DCC: variants seen among roughly 807,000 people sequenced by gnomAD.
The protein encoded by DCC is DCC netrin 1 receptor.
DCC carries 58 observed loss-of-function variants against 172.5 expected under a neutral mutation model. The ratio of observed to expected loss-of-function variants is 0.34; its 90% CI spans 0.27 to 0.42. DCC has a LOEUF of 0.42. DCC is among the 10% of genes least tolerant of loss of function. The pLI, the probability that DCC is intolerant of heterozygous loss-of-function variation, is 1.00. For synonymous variants in DCC, 709 were observed against 644.5 expected (o/e 1.10, Z -1.52); for missense variants, 1,740 against 1,791.0 (o/e 0.97, Z 0.51).
At chr18:52,368,544 G>A (rs1271564617) in intron 1 of DCC, among the ~76,000 whole-genome samples, 3 of 152,086 alleles carry the variant, frequency 2.0e-5, no homozygotes, top group Non-Finnish European at 2.9e-5. Flanking sequence ...CTCACACAGC[G>A]GGTACTGAGA....
chr18:53,485,505 A>G (rs1347891191), intron 25 of DCC, among the ~76,000 whole-genome samples: 10 of 152,222 alleles, frequency 6.6e-5, no homozygotes, highest in Non-Finnish European at 1.2e-4. Flanking sequence ...GGAAATACTA[A>G]TCATTTAATC....
intron 26 of DCC, among the ~76,000 whole-genome samples, chr18:53,498,095 A>C (rs928443654): frequency 6.6e-6 from 1 of 152,218 alleles, no homozygotes; most frequent in Non-Finnish European, 1.5e-5. Context: ...CTGAATATAG[A>C]AGAATGAGTA....
intron 5 of DCC, chr18:52,941,193 T>G (rs1186346890): frequency 6.6e-6 from 1 of 152,138 alleles, no homozygotes; most frequent in Non-Finnish European, 1.5e-5. Flanking sequence ...AAAAAAAGTT[T>G]AAGTCTTTTT....
At chr18:53,523,811 G>A (rs1211264583) in intron 27 of DCC, among the ~76,000 whole-genome samples, 1 of 152,012 alleles carries the variant, frequency 6.6e-6, no homozygotes, top group African/African-American at 2.4e-5. Flanking sequence ...TAGATGACAG[G>A]TTGATGGGTG....
At chr18:52,938,205 T>G (rs1168320367) in intron 5 of DCC, among the ~76,000 whole-genome samples, 1 of 152,006 alleles carries the variant, frequency 6.6e-6, no homozygotes, top group Non-Finnish European at 1.5e-5. Flanking sequence ...AAACTCAAGG[T>G]GGAGGAAAAA....
At chr18:53,217,985 C>T (rs1160174839) in intron 12 of DCC, among the ~76,000 whole-genome samples, 1 of 151,968 alleles carries the variant, frequency 6.6e-6, no homozygotes, top group Admixed American at 6.6e-5. Flanking sequence ...GCTGGTACTA[C>T]AGGCATGCAA....
intron 1 of DCC, among the ~76,000 whole-genome samples, chr18:52,475,343 A>T (rs1989062524): frequency 6.6e-6 from 1 of 152,224 alleles, no homozygotes; most frequent in East Asian, 1.9e-4. Flanking sequence ...GAGCTCCAAT[A>T]GTGGCAGAAA....
At chr18:52,401,604 C>T (rs975866128) in intron 1 of DCC, among the ~76,000 whole-genome samples, 1 of 151,934 alleles carries the variant, frequency 6.6e-6, no homozygotes, top group African/African-American at 2.4e-5. Flanking sequence ...CAGCCTTTGC[C>T]TTTTATAGAT....
intron 1 of DCC, among the ~76,000 whole-genome samples, chr18:52,589,302 A>G (rs909762433): frequency 6.6e-6 from 1 of 152,244 alleles, no homozygotes; most frequent in Non-Finnish European, 1.5e-5. Flanking sequence ...TGCTAAGCAA[A>G]AAAGAAATTC....
intron 2 of DCC, among the ~76,000 whole-genome samples, chr18:52,817,866 T>C (rs938369521): frequency 6.6e-6 from 1 of 152,136 alleles, no homozygotes; most frequent in African/African-American, 2.4e-5. Context: ...TGAAATACAG[T>C]ACTCAAGGAG....
chr18:53,122,677 T>A (rs2043499644), intron 7 of DCC, among the ~76,000 whole-genome samples: 1 of 152,054 alleles, frequency 6.6e-6, no homozygotes, highest in African/African-American at 2.4e-5. Context: ...AGACTTTAAT[T>A]AAATTGCCTT....
intron 1 of DCC, among the ~76,000 whole-genome samples, chr18:52,495,209 C>A (rs1386356199): frequency 2.0e-5 from 3 of 152,084 alleles, no homozygotes; most frequent in African/African-American, 4.8e-5. Flanking sequence ...TTTATCCTCT[C>A]GTGTAGCTTC....
chr18:53,064,689 T>A (rs140018613), intron 6 of DCC, among the ~76,000 whole-genome samples: 1 of 152,314 alleles, frequency 6.6e-6, no homozygotes. Flanking sequence ...TTTTCACTTT[T>A]AGTTGCATTT....
At chr18:52,644,578 CAAA>C (rs34472651) in intron 1 of DCC, among the ~76,000 whole-genome samples, 1 of 112,952 alleles carries the variant, frequency 8.9e-6, no homozygotes. Flanking sequence ...GACTCCGTCT[CAAA>C]AAAAAAAAAA....
intron 2 of DCC, among the ~76,000 whole-genome samples, chr18:52,861,031 A>T (rs927258649): frequency 1.0e-4 from 15 of 147,224 alleles, no homozygotes; most frequent in South Asian, 4.4e-4. Context: ...AAAAAAAAAA[A>T]TTTTGGCTTC....
intron 1 of DCC, among the ~76,000 whole-genome samples, chr18:52,635,868 T>G (rs1280480065): frequency 6.6e-6 from 1 of 152,098 alleles, no homozygotes; most frequent in African/African-American, 2.4e-5. Flanking sequence ...AGAATGCACC[T>G]CTAGACAGAG....
intron 2 of DCC, among the ~76,000 whole-genome samples, chr18:52,801,486 C>T (rs908202271): frequency 2.0e-5 from 3 of 151,988 alleles, no homozygotes; most frequent in South Asian, 2.1e-4. Context: ...AATCATTTTA[C>T]AAAACATTAA....
intron 22 of DCC, among the ~76,000 whole-genome samples, chr18:53,438,197 T>TA (rs151163572): frequency 0.014 from 2,157 of 152,260 alleles, 60 homozygotes; most frequent in African/African-American, 0.049. Context: ...TCTATACTGG[T>TA]ACGGGACAGT....
intron 1 of DCC, among the ~76,000 whole-genome samples, chr18:52,371,488 A>T (rs1198055056): frequency 2.0e-5 from 3 of 152,214 alleles, no homozygotes; most frequent in Non-Finnish European, 4.4e-5. Flanking sequence ...AACGTTAGTG[A>T]ACGTTTACTA....
Sources: gnomAD v4.1 joint callset for allele counts (sites outside exome capture counted in the v4.1 genomes callset) on GRCh38, gnomAD v4.1.1 for gene constraint, MANE v1.5 for transcripts, NCBI Gene and HGNC (gene_info 2026-07-23, HGNC 2026-07-21) for gene names.